The following FBXO34 variants were observed in gnomAD, a reference collection of about 807,000 sequenced individuals.
FBXO34 encodes F-box only protein 34.
Under a neutral mutation model 24.5 loss-of-function variants are expected in FBXO34, and 12 were observed. The ratio of observed to expected loss-of-function variants is 0.49; its 90% CI spans 0.31 to 0.79. The LOEUF (loss-of-function observed/expected upper bound fraction) is 0.79. FBXO34 is among the 30% of genes least tolerant of loss of function. The pLI is 0.04. For missense variants in FBXO34, 823 were observed against 857.7 expected, an observed-to-expected ratio of 0.96 and a Z score of 0.51; for synonymous variants, 320 against 311.9, an observed-to-expected ratio of 1.03 and a Z score of -0.27.
At chr14:55,339,674 C>T (rs976602618) in intron 1 of FBXO34, among the ~76,000 whole-genome samples, 1 of 152,110 alleles carries the variant, frequency 6.6e-6, no homozygotes, top group Admixed American at 6.5e-5. Context: ...CTCACAGTAC[C>T]TCTTGGAATG....
At chr14:55,346,687 G>A (rs1884170625) in intron 1 of FBXO34, among the ~76,000 whole-genome samples, 1 of 152,180 alleles carries the variant, frequency 6.6e-6, no homozygotes, top group African/African-American at 2.4e-5. Flanking sequence ...CTATGTCAAA[G>A]AAACTGAGGA....
chr14:55,405,813 C>T, the FBXO34 span, among the ~76,000 whole-genome samples: 1 of 150,846 alleles, frequency 6.6e-6, no homozygotes, highest in Non-Finnish European at 1.5e-5. Context: ...AGGAAGCATA[C>T]AGTTTAAAAG....
At chr14:55,308,280 T>C (rs1465134709) in intron 1 of FBXO34, among the ~76,000 whole-genome samples, 1 of 152,254 alleles carries the variant, frequency 6.6e-6, no homozygotes, top group African/African-American at 2.4e-5. Context: ...AGAGACTTAT[T>C]ACTAAGGTCA....
chr14:55,389,044 G>C, the FBXO34 span, among the ~76,000 whole-genome samples: 2 of 152,138 alleles, frequency 1.3e-5, no homozygotes, highest in African/African-American at 4.8e-5. Flanking sequence ...TCTCTCTCTA[G>C]ATTTTAAAAG....
the FBXO34 span, among the ~76,000 whole-genome samples, chr14:55,433,961 T>C: frequency 6.6e-6 from 1 of 152,228 alleles, no homozygotes; most frequent in Non-Finnish European, 1.5e-5. Flanking sequence ...TCAGTTCCTA[T>C]TTATTCTCAT....
In FBXO34 at chr14:55,277,070, C is replaced by T. The variant is rs139161989; in HGVS notation, c.-11+5533C>T. Among the ~76,000 whole-genome samples the T allele has an allele frequency of 9.8e-5, 15 of 152,324 alleles. No individual in the cohort carries two copies. The East Asian group carries it at 2.7e-3, about 27-fold the overall frequency. On this transcript the variant is annotated intron_variant, in intron 1 of 1. Transcript: ENST00000313833. ...ACCATTCCCTTAGTTTGAACAAGTT[C>T]ATACATCTGTGTAATCCATATCCCT... is the stretch of plus-strand genomic sequence containing the variant.
At chr14:55,397,553 T>G in the FBXO34 span, 2 of 792,678 alleles carry the variant, frequency 2.5e-6, no homozygotes, top group East Asian at 2.7e-5. Context: ...ATTGTCCTGA[T>G]AGTAAATACA....
intron 1 of FBXO34, among the ~76,000 whole-genome samples, chr14:55,349,961 G>C (rs1445524542): frequency 6.6e-6 from 1 of 152,086 alleles, no homozygotes; most frequent in African/African-American, 2.4e-5. Flanking sequence ...GAATTGTGAT[G>C]ATTTAGAAAG....
chr14:55,404,512 A>G, the FBXO34 span, among the ~76,000 whole-genome samples: 16,704 of 152,240 alleles, frequency 0.11, 2,565 homozygotes, highest in African/African-American at 0.35. Flanking sequence ...TTATATAATC[A>G]CATTTTATTT....
At chr14:55,319,248 T>C (rs1883043563) in intron 1 of FBXO34, among the ~76,000 whole-genome samples, 1 of 152,166 alleles carries the variant, frequency 6.6e-6, no homozygotes, top group Non-Finnish European at 1.5e-5. Flanking sequence ...AAGAAATAAA[T>C]ACCTGTTCAA....
downstream of FBXO34, among the ~76,000 whole-genome samples, chr14:55,362,104 G>A (rs1246582795): frequency 6.6e-6 from 1 of 152,208 alleles, no homozygotes. Flanking sequence ...CTGATTTAAA[G>A]TGAGAGACAT....
intron 1 of FBXO34, among the ~76,000 whole-genome samples, chr14:55,292,960 G>A (rs1479611175): frequency 2.0e-5 from 3 of 152,082 alleles, no homozygotes; most frequent in East Asian, 3.9e-4. Context: ...TCACCTTACT[G>A]CAGCCTCCAT....
chr14:55,349,865 C>T (rs761179701), intron 1 of FBXO34, among the ~76,000 whole-genome samples: 6 of 151,864 alleles, frequency 4.0e-5, no homozygotes, highest in Non-Finnish European at 8.8e-5. Context: ...CCTTGTCCTC[C>T]CAAAGTGCTG....
chr14:55,416,365 G>A, the FBXO34 span, among the ~76,000 whole-genome samples: 4 of 152,172 alleles, frequency 2.6e-5, no homozygotes, highest in East Asian at 3.9e-4. Context: ...GCCAAGGTGG[G>A]AGGATCCCTT....
the FBXO34 span, among the ~76,000 whole-genome samples, chr14:55,438,527 A>G: frequency 6.6e-6 from 1 of 152,146 alleles, no homozygotes; most frequent in Non-Finnish European, 1.5e-5. Context: ...AATTTACGCT[A>G]AAGCACCAAA....
intron 1 of FBXO34, among the ~76,000 whole-genome samples, chr14:55,334,546 G>T (rs945459805): frequency 6.9e-6 from 1 of 144,636 alleles, no homozygotes; most frequent in Non-Finnish European, 1.5e-5. Flanking sequence ...TGGGGGTGGG[G>T]CAGTAGATGT....
the FBXO34 span, chr14:55,382,178 C>T: frequency 1.9e-6 from 3 of 1,614,170 alleles, no homozygotes; most frequent in Non-Finnish European, 2.5e-6. Flanking sequence ...TCTGAAGACA[C>T]ATCTGCGGGG....
the FBXO34 span, among the ~76,000 whole-genome samples, chr14:55,418,104 A>T: frequency 6.6e-6 from 1 of 152,200 alleles, no homozygotes; most frequent in South Asian, 2.1e-4. Context: ...GCTTAGGGAC[A>T]TTGGCATGGC....
intron 1 of FBXO34, 49 bp from the exon 2 acceptor site, chr14:55,350,332 C>A: frequency 1.4e-6 from 2 of 1,393,042 alleles, no homozygotes; most frequent in South Asian, 1.7e-5. Context: ...ACATTTTTTT[C>A]TAAAAACAAA....
Sources: allele counts gnomAD v4.1 joint callset (sites outside exome capture counted in the v4.1 genomes callset), GRCh38; gene constraint gnomAD v4.1.1; transcripts MANE v1.5; gene names NCBI Gene and HGNC (gene_info 2026-07-23, HGNC 2026-07-21).